The following STT3B variants were observed in gnomAD, a reference collection of about 807,000 sequenced individuals.
STT3B encodes the protein dolichyl-diphosphooligosaccharide--protein glycosyltransferase subunit STT3B.
In STT3B, 29 loss-of-function variants were observed where a neutral mutation model predicts 96.8. That is an observed-to-expected ratio of 0.30 (90% CI 0.22 to 0.41). STT3B has a LOEUF of 0.41. Ranked by LOEUF, STT3B falls within the 10% of genes least tolerant of loss-of-function variation. STT3B has a pLI of 1.00. For synonymous variants in STT3B, 367 were observed against 360.0 expected (o/e 1.02, Z -0.22); for missense variants, 640 against 1,022.3 (o/e 0.63, Z 5.10).
intron 1 of STT3B, among the ~76,000 whole-genome samples, chr3:31,572,000 AATT>A (rs1002824955): frequency 3.5e-4 from 37 of 105,252 alleles, no homozygotes; most frequent in South Asian, 1.6e-3. Flanking sequence ...ATTAATACAT[AATT>A]ATTTTATTAA....
chr3:31,631,376 A>G (rs907472915), intron 14 of STT3B, among the ~76,000 whole-genome samples: 1 of 152,232 alleles, frequency 6.6e-6, no homozygotes, highest in Non-Finnish European at 1.5e-5. Context: ...CACACTGGCC[A>G]TAATAATCAG....
chr3:31,575,136 T>C (rs1366805651), intron 1 of STT3B, among the ~76,000 whole-genome samples: 1 of 152,090 alleles, frequency 6.6e-6, no homozygotes, highest in African/African-American at 2.4e-5. Context: ...ATAGGTACTG[T>C]TGTTAATCCC....
At chr3:31,560,494 T>C (rs1697848664) in intron 1 of STT3B, among the ~76,000 whole-genome samples, 1 of 152,156 alleles carries the variant, frequency 6.6e-6, no homozygotes, top group Non-Finnish European at 1.5e-5. Context: ...ATATTTTATT[T>C]CTCCTTCATT....
intron 1 of STT3B, among the ~76,000 whole-genome samples, chr3:31,550,454 G>C (rs1042214308): frequency 6.6e-6 from 1 of 152,196 alleles, no homozygotes; most frequent in Non-Finnish European, 1.5e-5. Flanking sequence ...AGCAGAGAGA[G>C]AGGTTTGTGA....
chr3:31,610,286 A>G (rs1286574726), intron 5 of STT3B, among the ~76,000 whole-genome samples: 1 of 152,230 alleles, frequency 6.6e-6, no homozygotes, highest in Non-Finnish European at 1.5e-5. Flanking sequence ...ATTTTAAAGT[A>G]TCTACCCGTT....
At chr3:31,594,847 C>T (rs977424708) in intron 3 of STT3B, among the ~76,000 whole-genome samples, 2 of 152,206 alleles carry the variant, frequency 1.3e-5, no homozygotes, top group Non-Finnish European at 2.9e-5. Flanking sequence ...TGAAGAGATA[C>T]GTAGGACAAG....
chr3:31,604,546 A>G (rs944769855), intron 5 of STT3B, among the ~76,000 whole-genome samples: 6 of 152,226 alleles, frequency 3.9e-5, no homozygotes, highest in Admixed American at 6.5e-5. Flanking sequence ...TTCACTCACC[A>G]TACATTTATT....
rs1301941590 is a variant in STT3B, at chr3:31,626,128, G to A, written c.2073+1G>A. 1.2e-6 allele frequency: 2 copies of A among 1,611,028 alleles called. No homozygotes were observed. The highest frequency in any genetic ancestry group is 1.7e-5 in the Admixed American group (1 of 59,516). On this transcript the variant is annotated splice_donor_variant, in intron 13 of 15. Transcript: ENST00000295770. LOFTEE classifies it high-confidence loss of function. Reference sequence around the variant, plus strand: ...AGGAGAACATCCCAAAGACATTCGGGTAAGAAACTAGATAATTCCAGGTAT... The same window carrying A: ...AGGAGAACATCCCAAAGACATTCGGATAAGAAACTAGATAATTCCAGGTAT...
chr3:31,595,391 T>C lies in STT3B; in HGVS notation c.712-1407T>C, dbSNP rs532589489. ...GTTCCTTCTGAGTAGCTCAGCTGTT[T>C]TCTGTTTTGGCAGGTGGTGTTGTTT... On this transcript the variant is annotated intron_variant, in intron 3 of 15. Coordinates refer to ENST00000295770, the MANE Select transcript of STT3B (RefSeq NM_178862.3). Among the ~76,000 whole-genome samples the C allele has an allele frequency of 5.3e-5, 8 of 152,316 alleles. No individual in the cohort carries two copies. The South Asian group carries it at 1.7e-3, about 32-fold the overall frequency.
In STT3B at chr3:31,617,944, C is replaced by T; in HGVS notation, c.1128C>T (p.Tyr376=). ...LSVIYLTYTG[Y]IAPWSGRFYS... ...ATCCATGTTTTTCCTTCCAAGGTTA[C>T]ATTGCACCATGGAGTGGCAGGTTTT... Residue 376 remains tyrosine (Y), a synonymous_variant, in exon 8 of 16, where the codon TAC becomes TAT. Coordinates refer to ENST00000295770, the MANE Select transcript of STT3B (RefSeq NM_178862.3). 1.2e-6 allele frequency: 2 copies of T among 1,601,714 alleles called. No homozygotes were observed. Among genetic ancestry groups the T allele is most frequent in the Non-Finnish European group, 1.7e-6 (2 of 1,169,228 alleles).
At chr3:31,547,422 A>T (rs1278395715) in intron 1 of STT3B, among the ~76,000 whole-genome samples, 2 of 152,106 alleles carry the variant, frequency 1.3e-5, no homozygotes, top group Non-Finnish European at 2.9e-5. Flanking sequence ...CTTTGGGAGG[A>T]TCACTTGAGG....
intron 1 of STT3B, among the ~76,000 whole-genome samples, chr3:31,553,363 G>A (rs1025212622): frequency 2.0e-5 from 3 of 151,996 alleles, no homozygotes; most frequent in East Asian, 1.9e-4. Context: ...TTCCTCCCCC[G>A]GAAACAACCC....
intron 5 of STT3B, among the ~76,000 whole-genome samples, chr3:31,613,055 G>T (rs1699220186): frequency 6.6e-6 from 1 of 152,114 alleles, no homozygotes; most frequent in South Asian, 2.1e-4. Context: ...CTGGAAATAG[G>T]ACAGAATGTG....
intron 3 of STT3B, among the ~76,000 whole-genome samples, chr3:31,595,903 A>G (rs1469495460): frequency 6.6e-6 from 1 of 152,200 alleles, no homozygotes; most frequent in African/African-American, 2.4e-5. Flanking sequence ...TATCCCAGCC[A>G]GAACTGCTTT....
chr3:31,534,684 CAT>C (rs1171104294), intron 1 of STT3B, among the ~76,000 whole-genome samples: 1 of 152,136 alleles, frequency 6.6e-6, no homozygotes, highest in Non-Finnish European at 1.5e-5. Context: ...GGTACTGCAA[CAT>C]CTATTGAACA....
At chr3:31,610,662 G>T (rs1213351988) in intron 5 of STT3B, among the ~76,000 whole-genome samples, 1 of 151,956 alleles carries the variant, frequency 6.6e-6, no homozygotes, top group Non-Finnish European at 1.5e-5. Flanking sequence ...TATCTGTCTC[G>T]TCCCACCCTT....
At chr3:31,622,479 T>C (rs1425989968) in intron 10 of STT3B, among the ~76,000 whole-genome samples, 171 bp downstream of exon 10, 1 of 152,238 alleles carries the variant, frequency 6.6e-6, no homozygotes, top group African/African-American at 2.4e-5. Context: ...TGGTCAGTCC[T>C]TTAGCTCAGA....
chr3:31,556,519 A>G (rs1214466713), intron 1 of STT3B, among the ~76,000 whole-genome samples: 1 of 152,146 alleles, frequency 6.6e-6, no homozygotes, highest in African/African-American at 2.4e-5. Flanking sequence ...TCCCAAAGCA[A>G]TGTATAAGAG....
intron 2 of STT3B, among the ~76,000 whole-genome samples, chr3:31,578,710 AGTAG>A (rs1445930858): frequency 1.3e-5 from 2 of 151,824 alleles, no homozygotes; most frequent in African/African-American, 4.8e-5. Flanking sequence ...CCATGCATGC[AGTAG>A]GTATTGAGCA....
Sources: gnomAD v4.1 joint callset for allele counts (sites outside exome capture counted in the v4.1 genomes callset) on GRCh38, gnomAD v4.1.1 for gene constraint, MANE v1.5 for transcripts, NCBI Gene and HGNC (gene_info 2026-07-23, HGNC 2026-07-21) for gene names.